The following COX15 variants were observed in gnomAD, a reference collection of about 807,000 sequenced individuals.
COX15 encodes the protein heme A synthase COX15.
A neutral mutation model predicts 51.9 loss-of-function variants in COX15; 51 were observed. That is an observed-to-expected ratio of 0.98 (90% CI 0.78 to 1.24). The LOEUF is 1.24. COX15 is among the 50% of genes most tolerant of loss of function. COX15 has a pLI of 0.00. For synonymous variants in COX15, 188 were observed against 190.5 expected (o/e 0.99, Z 0.11); for missense variants, 420 against 501.1 (o/e 0.84, Z 1.55).
chr10:99,702,192 C>T, the COX15 span, among the ~76,000 whole-genome samples: 1 of 152,192 alleles, frequency 6.6e-6, no homozygotes, highest in Non-Finnish European at 1.5e-5. Context: ...CACAATCCCC[C>T]TCTTACTTCA....
At position 99,729,892 on chromosome 10, in the gene COX15, A is replaced by G. The variant is rs898337548; in HGVS notation, c.91-158T>C. ...TCTGGATTACTGCATCAGCCTTCCA[A>G]CTGGTTTTCCAATTGGTTTTCAAAT... On this transcript the variant is annotated intron_variant, in intron 1 of 8. Coordinates refer to ENST00000016171, the MANE Select transcript of COX15 (RefSeq NM_078470.6). 2.6e-5 allele frequency among the ~76,000 whole-genome samples: 4 copies of G among 152,142 alleles called. No individual in the cohort carries two copies. The South Asian group carries it at 8.3e-4, about 32-fold the overall frequency.
chr10:99,730,977 G>T (rs1450043092), intron 1 of COX15, among the ~76,000 whole-genome samples: 1 of 152,020 alleles, frequency 6.6e-6, no homozygotes, highest in African/African-American at 2.4e-5. Flanking sequence ...GATGCTTGAG[G>T]CCAGGATTTC....
chr10:99,729,498 C>T, intron 2 of COX15, 55 bp downstream of exon 2: 2 of 1,463,284 alleles, frequency 1.4e-6, no homozygotes, highest in Non-Finnish European at 1.9e-6. Context: ...CCTCAGTCAA[C>T]CTGTGCTTCT....
chr10:99,721,185 A>C, intron 5 of COX15, 117 bp from the exon 6 acceptor site: 1 of 769,012 alleles, frequency 1.3e-6, no homozygotes, highest in Non-Finnish European at 2.3e-6. Flanking sequence ...TCTGACCCCT[A>C]GACTAGGTTA....
chr10:99,698,246 C>T, the COX15 span, among the ~76,000 whole-genome samples: 1 of 152,154 alleles, frequency 6.6e-6, no homozygotes, highest in East Asian at 1.9e-4. Flanking sequence ...GGAATGAAGA[C>T]CAGATGGAGA....
intron 4 of COX15, among the ~76,000 whole-genome samples, chr10:99,725,311 C>T (rs949929559): frequency 6.6e-6 from 1 of 152,204 alleles, no homozygotes; most frequent in Admixed American, 6.5e-5. Context: ...ATTTCATCTG[C>T]AAGAGACATT....
At chr10:99,700,414 A>ATATGTG in the COX15 span, among the ~76,000 whole-genome samples, 2 of 9,792 alleles carry the variant, frequency 2.0e-4, no homozygotes, top group Non-Finnish European at 5.4e-4. Flanking sequence ...GTGTGTGTGT[A>ATATGTG]TGTGTGTGTG....
the COX15 span, among the ~76,000 whole-genome samples, chr10:99,703,539 T>G: frequency 1.2e-3 from 183 of 152,278 alleles, 1 homozygote; most frequent in African/African-American, 4.3e-3. Context: ...ACACTGCAGG[T>G]CAAACCAGAC....
At chr10:99,721,659 C>G (rs1191618847) in intron 5 of COX15, among the ~76,000 whole-genome samples, 2 of 152,090 alleles carry the variant, frequency 1.3e-5, no homozygotes, top group African/African-American at 4.8e-5. Flanking sequence ...GGCTTACACT[C>G]TACTATATGA....
At chr10:99,718,199 G>C in intron 7 of COX15, 147 bp downstream of exon 7, 1 of 907,024 alleles carries the variant, frequency 1.1e-6, no homozygotes, top group Non-Finnish European at 1.7e-6. Context: ...TTAGATTAGA[G>C]AAATGGTCCT....
At position 99,714,535 on chromosome 10, in the gene COX15, C is replaced by T. The variant is rs2036505131; in HGVS notation, c.*52G>A. The T allele has an allele frequency of 6.2e-7, 1 of 1,613,038 alleles. No homozygotes were observed. The highest frequency in any genetic ancestry group is 1.3e-5 in the African/African-American group (1 of 74,904). On this transcript the variant is annotated 3_prime_UTR_variant, in exon 9 of 9. Coordinates refer to ENST00000016171, the MANE Select transcript of COX15 (RefSeq NM_078470.6). ...AGAAAAGCCCAAGTTCTTATGATCT[C>T]TGAAGAGCTCTCAAAAGCAGTCACA...
downstream of COX15, chr10:99,710,472 G>A: frequency 1.0e-6 from 1 of 985,376 alleles, no homozygotes; most frequent in Non-Finnish European, 1.2e-6. Context: ...ACCAAAGGCT[G>A]CCTGTATTAC....
At chr10:99,721,515 G>A (rs957091129) in intron 5 of COX15, among the ~76,000 whole-genome samples, 3 of 152,176 alleles carry the variant, frequency 2.0e-5, no homozygotes, top group African/African-American at 4.8e-5. Flanking sequence ...AAAGTGCTTA[G>A]AGATTCCTCC....
chr10:99,702,980 T>C, the COX15 span, among the ~76,000 whole-genome samples: 1 of 152,188 alleles, frequency 6.6e-6, no homozygotes, highest in Non-Finnish European at 1.5e-5. Flanking sequence ...ACTAATCACT[T>C]CCAAGATACT....
intron 1 of COX15, among the ~76,000 whole-genome samples, chr10:99,730,788 C>T (rs2037112928): frequency 6.6e-6 from 1 of 152,172 alleles, no homozygotes; most frequent in Admixed American, 6.5e-5. Flanking sequence ...GGGCCAGGTG[C>T]AACGGCTCAA....
chr10:99,713,381 A>G lies in COX15; in HGVS notation c.*1206T>C. The G allele has an allele frequency of 6.2e-7, 1 of 1,613,804 alleles. No individual in the cohort carries two copies. The highest frequency in any genetic ancestry group is 8.5e-7 in the Non-Finnish European group (1 of 1,179,936). ...TTTTCAGTTGCCACTGTCATCTATT[A>G]TATTAGCAATATTGGGTTGCTCCAT... On this transcript the variant is annotated 3_prime_UTR_variant, in exon 9 of 9. Coordinates refer to ENST00000016171, the MANE Select transcript of COX15 (RefSeq NM_078470.6).
rs186387894 is a variant in COX15 at position 99,717,739 on chromosome 10, C to T, written c.987+607G>A. Reference sequence around the variant, plus strand: ...AATGCATCATTCTTCTCAAGTCCCACTCCCACCATGTAGGCCCCATCTCCA... The same window carrying T: ...AATGCATCATTCTTCTCAAGTCCCATTCCCACCATGTAGGCCCCATCTCCA... On this transcript the variant is annotated intron_variant, in intron 7 of 8. Coordinates refer to ENST00000016171, the MANE Select transcript of COX15 (RefSeq NM_078470.6). Among the ~76,000 whole-genome samples, 486 of 152,268 alleles carry T rather than the reference C, an allele frequency of 3.2e-3. 3 individuals are homozygous for T. The highest frequency in any genetic ancestry group is 5.6e-3 in the Non-Finnish European group (384 of 68,020).
Position 99,712,230 on chromosome 10 carries a change from G to T in COX15, c.*2357C>A. The T allele has an allele frequency of 1.0e-6, 1 of 984,860 alleles. No homozygotes were observed. The highest frequency in any genetic ancestry group is 5.2e-4 in the Middle Eastern group (1 of 1,914). 61.0% of individuals were successfully genotyped at this position (984,860 alleles called of 1,614,324 possible). A position where few individuals can be genotyped will look rare whatever the true frequency, so the allele number is the denominator to read the frequency against. ...CAAACCATATCACCACCTGAGAATG[G>T]TACACTACAGGTCACAGAAACTTAC... On this transcript the variant is annotated 3_prime_UTR_variant, in exon 9 of 9. Transcript: ENST00000016171.
chr10:99,710,856 T>C (rs1007363389), downstream of COX15: 1 of 985,436 alleles, frequency 1.0e-6, no homozygotes, highest in African/African-American at 1.7e-5. Context: ...CAAAAAATTC[T>C]AGGTTGACTG....
Sources: allele counts gnomAD v4.1 joint callset (sites outside exome capture counted in the v4.1 genomes callset), GRCh38; gene constraint gnomAD v4.1.1; transcripts MANE v1.5; gene names NCBI Gene and HGNC (gene_info 2026-07-23, HGNC 2026-07-21).